CHRM2: variants seen among roughly 807,000 people sequenced by gnomAD.
The protein encoded by CHRM2 is muscarinic acetylcholine receptor M2.
Under a neutral mutation model 25.0 loss-of-function variants are expected in CHRM2, and 8 were observed. The observed-to-expected ratio is 0.32, with a 90% CI of 0.19 to 0.58. CHRM2 has a LOEUF of 0.58. Ranked by LOEUF, CHRM2 falls within the 20% of genes least tolerant of loss-of-function variation. CHRM2 has a pLI of 0.88. For missense variants in CHRM2, 440 were observed against 567.1 expected, an observed-to-expected ratio of 0.78 and a Z score of 2.28; for synonymous variants, 202 against 205.7, an observed-to-expected ratio of 0.98 and a Z score of 0.15.
intron 2 of CHRM2, among the ~76,000 whole-genome samples, chr7:136,930,898 C>CAAA (rs57705639): frequency 2.9e-4 from 18 of 61,140 alleles, no homozygotes; most frequent in Admixed American, 8.2e-4. Context: ...CTCATTCTCT[C>CAAA]AAAAAAAAAA....
At chr7:136,943,692 A>G (rs1342306699) in intron 2 of CHRM2, among the ~76,000 whole-genome samples, 2 of 70,088 alleles carry the variant, frequency 2.9e-5, no homozygotes, top group African/African-American at 1.3e-4. Context: ...GAAAATGGGA[A>G]CAGGAACTCA....
intron 3 of CHRM2, among the ~76,000 whole-genome samples, chr7:137,013,698 T>C (rs1436994255): frequency 1.3e-5 from 2 of 152,032 alleles, no homozygotes; most frequent in Non-Finnish European, 2.9e-5. Context: ...AAAATGATGA[T>C]TATGTGTTTA....
rs555208783 is a variant in CHRM2 at position 136,991,893 on chromosome 7, T to C, written c.-124-294T>C. On this transcript the variant is annotated intron_variant, in intron 2 of 3. Transcript: ENST00000680005. ...TACTATTATCACACTTATTTTAAGCTGAAGGCCTTTACTCAGACCATGTTT... is the reference window on the plus strand; with the variant it reads ...TACTATTATCACACTTATTTTAAGCCGAAGGCCTTTACTCAGACCATGTTT... 1.2e-4 allele frequency among the ~76,000 whole-genome samples: 18 copies of C among 152,264 alleles called. No individual in the cohort carries two copies. In the East Asian group the frequency reaches 2.5e-3, roughly 21 times the overall value.
chr7:136,986,510 T>G (rs1802863904), intron 2 of CHRM2, among the ~76,000 whole-genome samples: 1 of 152,234 alleles, frequency 6.6e-6, no homozygotes, highest in South Asian at 2.1e-4. Flanking sequence ...TTAAATTTAC[T>G]GTAGACCACT....
chr7:136,893,736 A>C (rs986356885), intron 2 of CHRM2, among the ~76,000 whole-genome samples: 1 of 152,200 alleles, frequency 6.6e-6, no homozygotes, highest in African/African-American at 2.4e-5. Flanking sequence ...TTAATTTCTA[A>C]GTGTTATTAT....
At chr7:136,909,131 C>T (rs1448354869) in intron 2 of CHRM2, among the ~76,000 whole-genome samples, 1 of 151,938 alleles carries the variant, frequency 6.6e-6, no homozygotes, top group East Asian at 1.9e-4. Context: ...ACTGGAATTT[C>T]ATCTCATTGA....
At chr7:136,930,898 CAAAAA>C (rs57705639) in intron 2 of CHRM2, among the ~76,000 whole-genome samples, 57 of 61,148 alleles carry the variant, frequency 9.3e-4, no homozygotes, top group African/African-American at 1.5e-3. Context: ...CTCATTCTCT[CAAAAA>C]AAAAAAAAAA....
At chr7:136,918,145 C>T (rs1274036095) in intron 2 of CHRM2, among the ~76,000 whole-genome samples, 1 of 152,082 alleles carries the variant, frequency 6.6e-6, no homozygotes, top group Non-Finnish European at 1.5e-5. Flanking sequence ...CCAACCAGAT[C>T]ATAAAGCACT....
In CHRM2 at chr7:136,869,465, C is replaced by A. The variant is rs1009862783; in HGVS notation, c.-125+47C>A. On this transcript the variant is annotated intron_variant, in intron 2 of 3. Transcript: ENST00000680005. The surrounding 1 kb of genome is among the most constrained non-coding windows in gnomAD (Gnocchi z 4.9). ...GCTCTCCGCTTACCCACTCCAAGGGCCCTGGCACCAGGGGGTCTCTCCCTT... is the reference window on the plus strand; with the variant it reads ...GCTCTCCGCTTACCCACTCCAAGGGACCTGGCACCAGGGGGTCTCTCCCTT... 1 of 152,296 alleles carries A rather than the reference C, an allele frequency of 6.6e-6. No homozygotes were observed. The highest frequency in any genetic ancestry group is 1.5e-5 in the Non-Finnish European group (1 of 68,146). 9.4% of individuals were successfully genotyped at this position (152,296 alleles called of 1,614,324 possible).
At chr7:136,923,261 C>CTT (rs5887816) in intron 2 of CHRM2, among the ~76,000 whole-genome samples, 2 of 139,408 alleles carry the variant, frequency 1.4e-5, no homozygotes, top group Non-Finnish European at 3.1e-5. Context: ...TACTTATTAG[C>CTT]TTTTTTTTTT....
intron 2 of CHRM2, chr7:136,898,919 T>C (rs1332761821): frequency 6.6e-6 from 1 of 152,082 alleles, no homozygotes; most frequent in African/African-American, 2.4e-5. Flanking sequence ...GACCAAAGAA[T>C]AGACTATACT....
intron 2 of CHRM2, among the ~76,000 whole-genome samples, chr7:136,890,258 G>C (rs1796639994): frequency 6.6e-6 from 1 of 152,056 alleles, no homozygotes; most frequent in South Asian, 2.1e-4. Flanking sequence ...GGAAAGGCGT[G>C]GGCACATGGA....
At chr7:136,887,361 A>T (rs1305558914) in intron 2 of CHRM2, among the ~76,000 whole-genome samples, 1 of 151,978 alleles carries the variant, frequency 6.6e-6, no homozygotes, top group East Asian at 1.9e-4. Context: ...ACAGGATAGT[A>T]ACAACACATT....
At position 137,016,097 on chromosome 7, in the gene CHRM2, C is replaced by T; in HGVS notation, c.1232C>T (p.Thr411Ile). 1 of 1,612,292 alleles carries T rather than the reference C, an allele frequency of 6.2e-7. No homozygotes were observed. The highest frequency in any genetic ancestry group is 8.5e-7 in the Non-Finnish European group (1 of 1,178,964). The change falls in exon 4 of 4, where the codon ACC becomes ATC. Residue 411 changes from threonine to isoleucine, a missense_variant. Transcript: ENST00000680005. Reference sequence around the variant, plus strand: ...TACAATGTCATGGTGCTCATTAACACCTTTTGTGCACCTTGCATCCCCAAC... The same window carrying T: ...TACAATGTCATGGTGCTCATTAACATCTTTTGTGCACCTTGCATCCCCAAC... Reference protein sequence around the residue: ...APYNVMVLINTFCAPCIPNTV... With the variant: ...APYNVMVLINIFCAPCIPNTV...
At chr7:136,977,189 A>G (rs1802158589) in intron 2 of CHRM2, among the ~76,000 whole-genome samples, 1 of 152,116 alleles carries the variant, frequency 6.6e-6, no homozygotes, top group African/African-American at 2.4e-5. Flanking sequence ...GAGCTTCCTT[A>G]CCCACATGAT....
chr7:136,923,484 T>G (rs1266914044), intron 2 of CHRM2, among the ~76,000 whole-genome samples: 1 of 152,080 alleles, frequency 6.6e-6, no homozygotes, highest in Non-Finnish European at 1.5e-5. Flanking sequence ...CCAATCAATT[T>G]TTTTTTTACC....
At chr7:136,953,050 G>T (rs56243015) in intron 2 of CHRM2, among the ~76,000 whole-genome samples, 3,309 of 152,224 alleles carry the variant, frequency 0.022, 112 homozygotes, top group African/African-American at 0.075. Flanking sequence ...ATGTGCATGT[G>T]TCTTTATGAT....
At chr7:137,002,241 A>G (rs1450402404) in intron 3 of CHRM2, among the ~76,000 whole-genome samples, 3 of 152,212 alleles carry the variant, frequency 2.0e-5, no homozygotes, top group African/African-American at 4.8e-5. Flanking sequence ...ATTTGAAAAT[A>G]GCATTTAGAG....
At chr7:136,887,581 G>C (rs1796515836) in intron 2 of CHRM2, among the ~76,000 whole-genome samples, 1 of 152,172 alleles carries the variant, frequency 6.6e-6, no homozygotes, top group Non-Finnish European at 1.5e-5. Context: ...CTCCAGAGAA[G>C]TGAGTTAAGA....
Sources: gnomAD v4.1 joint callset for allele counts (sites outside exome capture counted in the v4.1 genomes callset) on GRCh38, gnomAD v4.1.1 for gene constraint, Gnocchi (gnomAD v3.1) non-coding constraint, MANE v1.5 for transcripts, NCBI Gene and HGNC (gene_info 2026-07-23, HGNC 2026-07-21) for gene names.